The following GPR153 variants were observed in gnomAD, a reference collection of about 807,000 sequenced individuals.
GPR153 encodes the protein probable G protein-coupled receptor 153.
GPR153 carries 27 observed loss-of-function variants against 34.1 expected under a neutral mutation model. The ratio of observed to expected loss-of-function variants is 0.79; its 90% CI spans 0.58 to 1.09. GPR153 has a LOEUF of 1.09. Ranked by LOEUF, GPR153 falls within the 50% of genes least tolerant of loss-of-function variation. The pLI is 0.00. For synonymous variants in GPR153, 408 were observed against 405.4 expected, an observed-to-expected ratio of 1.01 and a Z score of -0.08; for missense variants, 848 against 860.2, an observed-to-expected ratio of 0.99 and a Z score of 0.18.
At position 6,253,713 on chromosome 1, in the gene GPR153, C is replaced by T; in HGVS notation, c.786+5G>A. 1 of 1,516,914 alleles carries T rather than the reference C, an allele frequency of 6.6e-7. No individual in the cohort carries two copies. Among genetic ancestry groups the T allele is most frequent in the Non-Finnish European group, 8.8e-7 (1 of 1,133,224 alleles). 94.0% of individuals were successfully genotyped at this position (1,516,914 alleles called of 1,614,324 possible). ...CAGGCCCCTCTACCCGACGCCGTCA[C>T]CCACCAGCACAGGGAAGCCCATGAG... On this transcript the variant is annotated splice_donor_5th_base_variant and intron_variant, in intron 3 of 5. Coordinates refer to ENST00000377893, the MANE Select transcript of GPR153 (RefSeq NM_207370.4).
rs144143028 is a variant in GPR153, at chr1:6,251,421, G to A, written c.896C>T (p.Ala299Val). Reference protein sequence around the residue: ...QALLLPVFLWACDRYRADLKA... With the variant: ...QALLLPVFLWVCDRYRADLKA... ...GAGGTCAGCCCGGTAGCGGTCGCAGGCCCAGAGGAACACAGGCAGCAGCAG... is the reference window on the plus strand; with the variant it reads ...GAGGTCAGCCCGGTAGCGGTCGCAGACCCAGAGGAACACAGGCAGCAGCAG... Residue 299 changes from alanine to valine, a missense_variant, in exon 4 of 6, where the codon GCC becomes GTC. Physicochemically the swap from Ala to Val is moderately conservative, Grantham distance 64. Coordinates refer to ENST00000377893, the MANE Select transcript of GPR153 (RefSeq NM_207370.4). This position sits in a 1 kb window ranked among gnomAD's most constrained non-coding sequence, Gnocchi z 4.9. The A allele has an allele frequency of 5.0e-5, 81 of 1,613,424 alleles. No homozygotes were observed. Among genetic ancestry groups the A allele is most frequent in the Middle Eastern group, 1.6e-4 (1 of 6,082 alleles).
In GPR153 at chr1:6,253,818, G is replaced by A. The variant is rs747644048; in HGVS notation, c.686C>T (p.Ser229Phe). 9 of 1,590,148 alleles carry A rather than the reference G, an allele frequency of 5.7e-6. No individual in the cohort carries two copies. Among genetic ancestry groups the A allele is most frequent in the Non-Finnish European group, 7.7e-6 (9 of 1,165,282 alleles). ...VEDAQGKRRS[S>F]IDGSEPAKTS... ...TTTGGCGGGCTCCGAGCCATCGATGGAGGAGCGCCGCTTGCCCTGCGCGTC... is the reference window on the plus strand; with the variant it reads ...TTTGGCGGGCTCCGAGCCATCGATGAAGGAGCGCCGCTTGCCCTGCGCGTC... Residue 229 changes from serine to phenylalanine, a missense_variant, in exon 3 of 6, where the codon TCC becomes TTC. Ser to Phe is a radical substitution (Grantham distance 155). Coordinates refer to ENST00000377893, the MANE Select transcript of GPR153 (RefSeq NM_207370.4).
In GPR153 at chr1:6,249,768, G is replaced by C; in HGVS notation, c.1400C>G (p.Ala467Gly). ...GGCTCCCCGCGGGCCGCTATCCAGG[G>C]CCGAGGGCCGCAGCGACAGCAGGCT... is the stretch of plus-strand genomic sequence containing the variant. ...AESLLSLRPSALDSGPRGARD... is the reference protein window; with the variant it reads ...AESLLSLRPSGLDSGPRGARD... The change falls in exon 6 of 6, where the codon GCC becomes GGC. Residue 467 changes from alanine to glycine, a missense_variant. Ala to Gly is a moderately conservative substitution (Grantham distance 60). Transcript: ENST00000377893. This position sits in a 1 kb window ranked among gnomAD's most constrained non-coding sequence, Gnocchi z 4.3. 1.8e-6 allele frequency: 2 copies of C among 1,140,934 alleles called. No individual in the cohort carries two copies. The highest frequency in any genetic ancestry group is 2.1e-6 in the Non-Finnish European group (2 of 932,230). 70.7% of individuals were successfully genotyped at this position (1,140,934 alleles called of 1,614,324 possible).
At chr1:6,258,832 C>T (rs536995522) in intron 1 of GPR153, among the ~76,000 whole-genome samples, 10 of 152,122 alleles carry the variant, frequency 6.6e-5, no homozygotes, top group Non-Finnish European at 1.3e-4. Context: ...ACCTTGGCCC[C>T]GCCCACCCTG....
chr1:6,256,686 G>A (rs767821307), intron 1 of GPR153, among the ~76,000 whole-genome samples: 11 of 152,060 alleles, frequency 7.2e-5, no homozygotes, highest in Admixed American at 2.0e-4. Context: ...TTATATTTTA[G>A]AGACAGAGTC....
rs891821426 is a variant in GPR153, at chr1:6,252,217, CAG to C, written c.787-689_787-688del. Among the ~76,000 whole-genome samples the C allele has an allele frequency of 5.9e-5, 9 of 152,322 alleles. No homozygotes were observed. The South Asian group carries it at 8.3e-4, about 14-fold the overall frequency. On this transcript the variant is annotated intron_variant, in intron 3 of 5. Transcript: ENST00000377893. ...TGCCGTTTGTGGGCCACGTGACCCT[CAG>C]AAAGCTGCTAAACCCCTTTGGGGCT... is the stretch of plus-strand genomic sequence containing the variant.
At chr1:6,257,954 CTT>C (rs913322995) in intron 1 of GPR153, among the ~76,000 whole-genome samples, 55 of 152,348 alleles carry the variant, frequency 3.6e-4, no homozygotes, top group African/African-American at 1.3e-3. Flanking sequence ...CATTTGCTCT[CTT>C]TCTCATGCCC....
Position 6,251,635 on chromosome 1 carries a change from G to T in GPR153, c.787-105C>A. The T allele has an allele frequency of 7.9e-7, 1 of 1,265,476 alleles. No homozygotes were observed. The highest frequency in any genetic ancestry group is 1.6e-5 in the South Asian group (1 of 63,862). The allele number at this position is 1,265,476 out of a possible 1,614,324, so 78.4% of individuals were successfully genotyped here. On this transcript the variant is annotated intron_variant, in intron 3 of 5. Coordinates refer to ENST00000377893, the MANE Select transcript of GPR153 (RefSeq NM_207370.4). The surrounding 1 kb of genome is among the most constrained non-coding windows in gnomAD (Gnocchi z 4.9). ...TGTGTACGGCAGGTCTGACAGGTGG[G>T]TATCTGCCAAGGAGAAGGGGCCCTT...
chr1:6,252,723 C>T (rs1033746138), intron 3 of GPR153, among the ~76,000 whole-genome samples: 1 of 152,176 alleles, frequency 6.6e-6, no homozygotes, highest in South Asian at 2.1e-4. Flanking sequence ...TTGCCCCAGT[C>T]CTCTCCCTGT....
intron 2 of GPR153, 71 bp from the exon 3 acceptor site, chr1:6,254,218 T>C: frequency 6.9e-7 from 1 of 1,457,110 alleles, no homozygotes; most frequent in Non-Finnish European, 9.4e-7. Context: ...TCTGGGGACC[T>C]GTAGGGGATC....
chr1:6,256,875 G>A lies in GPR153; in HGVS notation c.-109-1861C>T, dbSNP rs547255989. 2.8e-4 allele frequency among the ~76,000 whole-genome samples: 43 copies of A among 152,320 alleles called. No individual in the cohort carries two copies. The South Asian group carries it at 7.1e-3, about 25-fold the overall frequency. On this transcript the variant is annotated intron_variant, in intron 1 of 5. Transcript: ENST00000377893. ...TACAACAGCACAAATGCCCTAAGGCGGGGAAGGCCCTGGCGCACCATGACC... is the reference window on the plus strand; with the variant it reads ...TACAACAGCACAAATGCCCTAAGGCAGGGAAGGCCCTGGCGCACCATGACC...
rs1638405104 is a variant in GPR153 at position 6,249,987 on chromosome 1, C to G, written c.1181G>C (p.Arg394Pro). Residue 394 changes from arginine (R) to proline (P), a missense_variant, in exon 6 of 6, where the codon CGC (arginine) becomes CCC (proline). By Grantham distance (103) the Arg-to-Pro change is moderately radical (BLOSUM62 -2). Transcript: ENST00000377893. The surrounding 1 kb of genome is among the most constrained non-coding windows in gnomAD (Gnocchi z 4.3). ...CACGTCCGCATCGTCGTGGGAGAAG[C>G]GCCGCGTGGGCGGGACCTGTCAGGA... The part of the protein sequence containing the change: ...MQYLQVPPTR[R>P]FSHDDADVWA... The G allele has an allele frequency of 1.6e-6, 2 of 1,262,514 alleles. No homozygotes were observed. Among genetic ancestry groups the G allele is most frequent in the Non-Finnish European group, 2.0e-6 (2 of 997,578 alleles). The allele number at this position is 1,262,514 out of a possible 1,614,324, so 78.2% of individuals were successfully genotyped here.
At chr1:6,254,477 T>C in intron 2 of GPR153, 73 bp downstream of exon 2, 1 of 1,333,752 alleles carries the variant, frequency 7.5e-7, no homozygotes, top group East Asian at 2.3e-5. Context: ...TGTGTGCGCA[T>C]GGGCACACCA....
At chr1:6,253,244 A>G (rs1001612161) in intron 3 of GPR153, among the ~76,000 whole-genome samples, 2 of 152,180 alleles carry the variant, frequency 1.3e-5, no homozygotes, top group Non-Finnish European at 2.9e-5. Flanking sequence ...ATACAAAAAA[A>G]AAATTAGCCA....
Position 6,251,549 on chromosome 1 carries a change from G to T in GPR153, c.787-19C>A. 1 of 1,563,036 alleles carries T rather than the reference G, an allele frequency of 6.4e-7. No individual in the cohort carries two copies. Among genetic ancestry groups the T allele is most frequent in the Non-Finnish European group, 8.6e-7 (1 of 1,157,566 alleles). Reference sequence around the variant, plus strand: ...TCACCACCTGTGGGCACAGGGCTCGGCCTGGCACCTGCAGGACCCCCCACC... The same window carrying T: ...TCACCACCTGTGGGCACAGGGCTCGTCCTGGCACCTGCAGGACCCCCCACC... On this transcript the variant is annotated intron_variant, in intron 3 of 5. Transcript: ENST00000377893. The surrounding 1 kb of genome is among the most constrained non-coding windows in gnomAD (Gnocchi z 4.9).
rs1482417801 is a variant in GPR153, at chr1:6,253,648, G to A, written c.786+70C>T. 1.3e-5 allele frequency: 17 copies of A among 1,358,462 alleles called. No homozygotes were observed. The East Asian group carries it at 4.0e-4, about 32-fold the overall frequency. The allele number at this position is 1,358,462 out of a possible 1,614,324, so 84.2% of individuals were successfully genotyped here. ...ATTGGGTCTGAGGACTCAACCACCTGATGCCTGGAGTATGAGCAGCCCCAG... is the reference window on the plus strand; with the variant it reads ...ATTGGGTCTGAGGACTCAACCACCTAATGCCTGGAGTATGAGCAGCCCCAG... On this transcript the variant is annotated intron_variant, in intron 3 of 5. Coordinates refer to ENST00000377893, the MANE Select transcript of GPR153 (RefSeq NM_207370.4).
intron 1 of GPR153, among the ~76,000 whole-genome samples, chr1:6,258,095 G>A (rs556335642): frequency 2.0e-5 from 3 of 152,354 alleles, no homozygotes; most frequent in Admixed American, 1.3e-4. Context: ...GGAAGGCAGC[G>A]ATGCCCCAGC....
intron 1 of GPR153, among the ~76,000 whole-genome samples, chr1:6,255,642 GTTTTTTTTTT>G (rs59403526): frequency 0.017 from 659 of 38,854 alleles, 10 homozygotes; most frequent in African/African-American, 0.058. Flanking sequence ...GCCTGGCTAC[GTTTTTTTTTT>G]TTTTTTTTTT....
At position 6,254,871 on chromosome 1, in the gene GPR153, A is replaced by G; in HGVS notation, c.35T>C (p.Val12Ala). Residue 12 changes from valine to alanine, a missense_variant, in exon 2 of 6, where the codon GTG becomes GCG. Val to Ala is a moderately conservative substitution (Grantham distance 64). Transcript: ENST00000377893. ...GAGGCCCCCACATACCAGCCAGCCC[A>G]CTGCACTGCCAGGCAGCCGCCGCTC... ...SDERRLPGSA[V>A]GWLVCGGLSL... 6.3e-7 allele frequency: 1 copy of G among 1,588,534 alleles called. No homozygotes were observed. The highest frequency in any genetic ancestry group is 8.6e-7 in the Non-Finnish European group (1 of 1,166,426).
Sources: allele counts gnomAD v4.1 joint callset (sites outside exome capture counted in the v4.1 genomes callset), GRCh38; gene constraint gnomAD v4.1.1; non-coding constraint Gnocchi (gnomAD v3.1); transcripts MANE v1.5; gene names NCBI Gene and HGNC (gene_info 2026-07-23, HGNC 2026-07-21).